ZFAT: variants seen among roughly 807,000 people sequenced by gnomAD.
ZFAT encodes zinc finger and AT-hook domain containing.
ZFAT carries 64 observed loss-of-function variants against 117.7 expected under a neutral mutation model. That is an observed-to-expected ratio of 0.54 (90% CI 0.44 to 0.67). ZFAT has a LOEUF of 0.67. ZFAT is among the 30% of genes least tolerant of loss of function. The pLI is 0.00. For missense variants in ZFAT, 1,433 were observed against 1,584.5 expected (o/e 0.90, Z 1.62); for synonymous variants, 679 against 615.0 (o/e 1.10, Z -1.54).
the ZFAT span, among the ~76,000 whole-genome samples, chr8:134,808,886 A>T: frequency 6.6e-6 from 1 of 152,204 alleles, no homozygotes; most frequent in Non-Finnish European, 1.5e-5. Flanking sequence ...ATAAGACTCA[A>T]ATTAATTATC....
intron 3 of ZFAT, among the ~76,000 whole-genome samples, chr8:134,626,405 T>C (rs1368354305): frequency 6.6e-6 from 1 of 152,196 alleles, no homozygotes; most frequent in Admixed American, 6.5e-5. Context: ...TTAGGCAACT[T>C]CCTTCACCTA....
chr8:134,739,107 A>G, the ZFAT span, among the ~76,000 whole-genome samples: 1 of 152,198 alleles, frequency 6.6e-6, no homozygotes, highest in African/African-American at 2.4e-5. Context: ...TTGTGAATCC[A>G]TCTGGGGCCG....
At chr8:134,686,776 T>C (rs969962922) in intron 1 of ZFAT, among the ~76,000 whole-genome samples, 1 of 152,122 alleles carries the variant, frequency 6.6e-6, no homozygotes, top group Non-Finnish European at 1.5e-5. Context: ...ACATGAAGCA[T>C]CATGAGGGGT....
the ZFAT span, among the ~76,000 whole-genome samples, chr8:134,753,768 A>G: frequency 6.6e-6 from 1 of 152,248 alleles, no homozygotes; most frequent in African/African-American, 2.4e-5. Context: ...TAACACTGCA[A>G]CTATATAAAT....
At chr8:134,763,641 C>T in the ZFAT span, among the ~76,000 whole-genome samples, 1,098 of 152,214 alleles carry the variant, frequency 7.2e-3, 13 homozygotes, top group African/African-American at 0.025. Context: ...TTTTTATATA[C>T]TCATTATTAT....
rs1824458528 is a variant in ZFAT, at chr8:134,566,330, C to T, written c.2888-909G>A. ...AATGGCGTGAACCCGGGAGGTGGAG[C>T]TTGCAGTGAGCCGAGATAGCGCTAC... On this transcript the variant is annotated intron_variant, in intron 10 of 15. Transcript: ENST00000377838. 2.1e-5 allele frequency among the ~76,000 whole-genome samples: 3 copies of T among 141,090 alleles called. No individual in the cohort carries two copies. In the South Asian group the frequency reaches 6.8e-4, roughly 32 times the overall value. The allele number at this position is 141,090 out of a possible 152,430, so 92.6% of individuals were successfully genotyped here.
At chr8:134,614,051 G>A (rs149476442) in intron 3 of ZFAT, among the ~76,000 whole-genome samples, 20 of 152,166 alleles carry the variant, frequency 1.3e-4, no homozygotes, top group African/African-American at 4.6e-4. Flanking sequence ...CACACTCTCC[G>A]AACCATCCTC....
intron 10 of ZFAT, among the ~76,000 whole-genome samples, chr8:134,577,626 A>G (rs7817553): frequency 0.02 from 3,035 of 152,318 alleles, 104 homozygotes; most frequent in African/African-American, 0.069. Context: ...TTGAGTGCCT[A>G]TGATAAGCCA....
chr8:134,654,463 C>T (rs1456369019), intron 2 of ZFAT, among the ~76,000 whole-genome samples: 5 of 152,216 alleles, frequency 3.3e-5, no homozygotes, highest in South Asian at 2.1e-4. Flanking sequence ...TGCAACACCA[C>T]GGAGGGAAAA....
the ZFAT span, among the ~76,000 whole-genome samples, chr8:134,772,931 C>CAA: frequency 6.6e-6 from 1 of 151,210 alleles, no homozygotes; most frequent in African/African-American, 2.4e-5. Context: ...AAAACAACAA[C>CAA]AACAAAAAAA....
chr8:134,670,005 A>C (rs1018201630), intron 1 of ZFAT, among the ~76,000 whole-genome samples: 2 of 152,252 alleles, frequency 1.3e-5, no homozygotes, highest in African/African-American at 4.8e-5. Flanking sequence ...GAGACAAAGA[A>C]GGCCAGTACA....
chr8:134,598,152 G>C (rs1827106644), intron 7 of ZFAT: 1 of 152,198 alleles, frequency 6.6e-6, no homozygotes, highest in Non-Finnish European at 1.5e-5. Flanking sequence ...TGAGAATGTG[G>C]GCTTGAATTC....
chr8:134,806,775 T>C, the ZFAT span, among the ~76,000 whole-genome samples: 1 of 152,198 alleles, frequency 6.6e-6, no homozygotes, highest in Non-Finnish European at 1.5e-5. Context: ...TGAGGAAACA[T>C]GAAAATTAAA....
chr8:134,649,521 A>C (rs1831111906), intron 2 of ZFAT, among the ~76,000 whole-genome samples: 2 of 152,228 alleles, frequency 1.3e-5, no homozygotes, highest in Admixed American at 6.5e-5. Flanking sequence ...TTGCAGGATA[A>C]AATATCTATA....
chr8:134,600,037 C>T (rs1827285395), intron 7 of ZFAT: 1 of 364,598 alleles, frequency 2.7e-6, no homozygotes, highest in African/African-American at 2.1e-5. Flanking sequence ...AAATACTGTT[C>T]TCATCACTGT....
the ZFAT span, among the ~76,000 whole-genome samples, chr8:134,802,454 A>C: frequency 6.6e-6 from 1 of 152,236 alleles, no homozygotes; most frequent in Non-Finnish European, 1.5e-5. Flanking sequence ...CCTCAAGCCC[A>C]TGACTCATGT....
At chr8:134,743,420 T>C in the ZFAT span, among the ~76,000 whole-genome samples, 1 of 151,594 alleles carries the variant, frequency 6.6e-6, no homozygotes, top group Non-Finnish European at 1.5e-5. Context: ...ACCTGGGAGG[T>C]GGAGTTTGCA....
chr8:134,612,412 C>T (rs1027636403), intron 3 of ZFAT, among the ~76,000 whole-genome samples: 2 of 152,142 alleles, frequency 1.3e-5, no homozygotes, highest in Admixed American at 1.3e-4. Context: ...AGCCAGTACC[C>T]CAAGTAATTG....
intron 1 of ZFAT, among the ~76,000 whole-genome samples, chr8:134,672,657 G>T (rs1832617640): frequency 2.6e-5 from 4 of 152,154 alleles, no homozygotes; most frequent in Admixed American, 2.6e-4. Context: ...AGTCTGTAGA[G>T]GAAAATTATG....
Sources: gnomAD v4.1 joint callset for allele counts (sites outside exome capture counted in the v4.1 genomes callset) on GRCh38, gnomAD v4.1.1 for gene constraint, MANE v1.5 for transcripts, NCBI Gene and HGNC (gene_info 2026-07-23, HGNC 2026-07-21) for gene names.